PRDM1: variants seen among roughly 807,000 people sequenced by gnomAD.
PRDM1 encodes the protein PR domain zinc finger protein 1.
PRDM1 carries 13 observed loss-of-function variants against 62.8 expected under a neutral mutation model. That is an observed-to-expected ratio of 0.21 (90% CI 0.13 to 0.33). PRDM1 has a LOEUF of 0.33. Ranked by LOEUF, PRDM1 falls within the 10% of genes least tolerant of loss-of-function variation. PRDM1 has a pLI of 1.00. For missense variants in PRDM1, 895 were observed against 1,058.8 expected, an observed-to-expected ratio of 0.85 and a Z score of 2.15; for synonymous variants, 396 against 417.6, an observed-to-expected ratio of 0.95 and a Z score of 0.63.
chr6:106,074,902 A>G (rs1018453867), intron 1 of PRDM1, among the ~76,000 whole-genome samples: 1 of 152,210 alleles, frequency 6.6e-6, no homozygotes, highest in Non-Finnish European at 1.5e-5. Context: ...TGAACCTGGG[A>G]GGCAGAGATT....
chr6:106,038,006 ATTTTTGTCTTT>A (rs1344159123), intron 1 of PRDM1, among the ~76,000 whole-genome samples: 1 of 27,646 alleles, frequency 3.6e-5, no homozygotes, highest in Non-Finnish European at 7.5e-5. Context: ...ATGGTTTGCT[ATTTTTGTCTTT>A]TTTTTTTTTT....
intron 4 of PRDM1, among the ~76,000 whole-genome samples, chr6:106,101,090 T>G (rs1303923435): frequency 6.6e-6 from 1 of 152,168 alleles, no homozygotes. Flanking sequence ...TTTGTGGAAC[T>G]CGTATTCCAG....
At chr6:106,093,559 G>A (rs777834547) in intron 2 of PRDM1, among the ~76,000 whole-genome samples, 6 of 152,074 alleles carry the variant, frequency 3.9e-5, no homozygotes, top group Non-Finnish European at 1.5e-5. Flanking sequence ...AAATATGAAT[G>A]TTAAATGATT....
chr6:106,080,615 G>A (rs753875284), intron 1 of PRDM1, among the ~76,000 whole-genome samples: 7 of 152,208 alleles, frequency 4.6e-5, no homozygotes, highest in Non-Finnish European at 8.8e-5. Flanking sequence ...GAAGGAATTA[G>A]AACAGCAACA....
intron 1 of PRDM1, among the ~76,000 whole-genome samples, chr6:106,080,705 T>G (rs938279721): frequency 6.6e-6 from 1 of 152,196 alleles, no homozygotes; most frequent in South Asian, 2.1e-4. Context: ...GCAGTACACA[T>G]CCTAATACTT....
chr6:106,104,704 T>TA, intron 4 of PRDM1, 121 bp from the exon 5 acceptor site: 1 of 1,248,730 alleles, frequency 8.0e-7, no homozygotes, highest in Non-Finnish European at 1.1e-6. Context: ...GGAAGCCAGA[T>TA]ATGTGGCGAT....
At chr6:106,010,505 G>A (rs1208745884) in intron 1 of PRDM1, among the ~76,000 whole-genome samples, 1 of 151,988 alleles carries the variant, frequency 6.6e-6, no homozygotes, top group Non-Finnish European at 1.5e-5. Flanking sequence ...TACATCTTTA[G>A]AATTTAATTA....
intron 1 of PRDM1, among the ~76,000 whole-genome samples, chr6:106,056,063 AT>A (rs1279801076): frequency 1.3e-5 from 2 of 152,216 alleles, no homozygotes; most frequent in African/African-American, 4.8e-5. Context: ...GAACTGAGAT[AT>A]TTAAAATTAA....
intron 4 of PRDM1, among the ~76,000 whole-genome samples, chr6:106,104,377 A>G (rs1245606976): frequency 6.6e-6 from 1 of 151,946 alleles, no homozygotes; most frequent in Non-Finnish European, 1.5e-5. Flanking sequence ...ACGCCCAGCT[A>G]ATTTTGTATT....
chr6:106,093,709 C>A (rs768158405), intron 2 of PRDM1, among the ~76,000 whole-genome samples: 1 of 152,150 alleles, frequency 6.6e-6, no homozygotes, highest in Non-Finnish European at 1.5e-5. Context: ...CTCTGAGATA[C>A]TCTTGTCCCC....
chr6:106,104,708 TG>T, intron 4 of PRDM1, 116 bp from the exon 5 acceptor site: 1 of 1,295,756 alleles, frequency 7.7e-7, no homozygotes, highest in Non-Finnish European at 1.1e-6. Context: ...GCCAGATATG[TG>T]GCGATTGTGT....
At chr6:106,036,815 C>T (rs1772931318) in intron 1 of PRDM1, among the ~76,000 whole-genome samples, 1 of 151,976 alleles carries the variant, frequency 6.6e-6, no homozygotes, top group African/African-American at 2.4e-5. Flanking sequence ...CAAAAATTAG[C>T]CAAATACAAA....
chr6:105,993,283 T>A (rs994901200), upstream of PRDM1, among the ~76,000 whole-genome samples: 2 of 152,234 alleles, frequency 1.3e-5, no homozygotes, highest in Admixed American at 6.5e-5. Context: ...CATCTCGGGT[T>A]TGATCCCCAA....
At chr6:106,105,986 G>A (rs890793320) in intron 5 of PRDM1, 53 bp downstream of exon 5, 1 of 1,556,400 alleles carries the variant, frequency 6.4e-7, no homozygotes, top group Non-Finnish European at 8.7e-7. Context: ...GCTTGTGTTT[G>A]TATTTAGCTT....
intron 2 of PRDM1, among the ~76,000 whole-genome samples, chr6:106,091,042 T>C (rs1773947179): frequency 1.3e-5 from 2 of 152,252 alleles, no homozygotes; most frequent in African/African-American, 4.8e-5. Flanking sequence ...ATTCAAAACT[T>C]TGAAAATGTT....
chr6:106,062,256 A>G (rs1245597242), intron 1 of PRDM1, among the ~76,000 whole-genome samples: 2 of 152,196 alleles, frequency 1.3e-5, no homozygotes, highest in Non-Finnish European at 2.9e-5. Flanking sequence ...TGTCATGTGC[A>G]GTATTTCTTT....
At chr6:106,096,392 C>T (rs1430922588) in intron 3 of PRDM1, among the ~76,000 whole-genome samples, 1 of 152,154 alleles carries the variant, frequency 6.6e-6, no homozygotes, top group East Asian at 1.9e-4. Flanking sequence ...GTGATCCGCC[C>T]ACCTTGGCCT....
At chr6:106,054,511 C>G (rs1336267640) in intron 1 of PRDM1, among the ~76,000 whole-genome samples, 4 of 152,008 alleles carry the variant, frequency 2.6e-5, no homozygotes, top group Non-Finnish European at 5.9e-5. Context: ...ATTCTAAAGA[C>G]CATTAGATGA....
upstream of PRDM1, among the ~76,000 whole-genome samples, chr6:106,085,155 A>C (rs1028728247): frequency 1.3e-5 from 2 of 152,132 alleles, no homozygotes; most frequent in Admixed American, 6.5e-5. Context: ...TTGTATGACT[A>C]AGTTGGTATC....
Sources: allele counts gnomAD v4.1 joint callset (sites outside exome capture counted in the v4.1 genomes callset), GRCh38; gene constraint gnomAD v4.1.1; transcripts MANE v1.5; gene names NCBI Gene and HGNC (gene_info 2026-07-23, HGNC 2026-07-21).